Variants in NRP1 observed in about 807,000 individuals in gnomAD.
NRP1 encodes neuropilin 1.
In NRP1, 35 loss-of-function variants were observed where a neutral mutation model predicts 106.7. That is an observed-to-expected ratio of 0.33 (90% CI 0.25 to 0.43). NRP1 has a LOEUF of 0.43. NRP1 is among the 20% of genes least tolerant of loss of function. The pLI is 1.00. For missense variants in NRP1, 1,024 were observed against 1,170.4 expected (o/e 0.87, Z 1.83); for synonymous variants, 437 against 417.9 (o/e 1.05, Z -0.56).
At chr10:33,275,258 C>G (rs1350389597) in intron 2 of NRP1, among the ~76,000 whole-genome samples, 2 of 152,158 alleles carry the variant, frequency 1.3e-5, no homozygotes. Context: ...AAAATAATGT[C>G]AAATACCATG....
chr10:33,197,746 A>G, intron 11 of NRP1, 37 bp from the exon 12 acceptor site: 6 of 1,289,208 alleles, frequency 4.7e-6, no homozygotes, highest in Non-Finnish European at 6.7e-6. Flanking sequence ...AAAATAAGAA[A>G]ACAGTAGCGA....
At chr10:33,258,965 T>C (rs1229695431) in intron 4 of NRP1, among the ~76,000 whole-genome samples, 2 of 152,216 alleles carry the variant, frequency 1.3e-5, no homozygotes, top group African/African-American at 2.4e-5. Flanking sequence ...ATGTTTTTTC[T>C]TTAGTTTGTG....
intron 2 of NRP1, among the ~76,000 whole-genome samples, chr10:33,310,029 C>G (rs1248515906): frequency 6.6e-6 from 1 of 151,534 alleles, no homozygotes; most frequent in Non-Finnish European, 1.5e-5. Flanking sequence ...CTCACTGCAA[C>G]CTCCGCCTCC....
intron 6 of NRP1, among the ~76,000 whole-genome samples, chr10:33,232,570 T>A (rs191513402): frequency 2.1e-3 from 316 of 152,080 alleles, no homozygotes; most frequent in African/African-American, 7.5e-3. Context: ...ATCGATGGCA[T>A]GTAGGCTATT....
intron 2 of NRP1, among the ~76,000 whole-genome samples, chr10:33,311,109 A>G (rs1846578800): frequency 6.6e-6 from 1 of 152,222 alleles, no homozygotes; most frequent in African/African-American, 2.4e-5. Flanking sequence ...AGTTAGAGCT[A>G]GCAGAGGGTG....
At chr10:33,246,085 A>G (rs554220242) in intron 6 of NRP1, among the ~76,000 whole-genome samples, 1 of 151,802 alleles carries the variant, frequency 6.6e-6, no homozygotes, top group East Asian at 1.9e-4. Context: ...TGAATTAATT[A>G]GTCAACTTGA....
chr10:33,202,602 G>T (rs78592546), intron 11 of NRP1: 1 of 1,481,936 alleles, frequency 6.7e-7, no homozygotes, highest in African/African-American at 1.4e-5. Context: ...AATAAGGATC[G>T]GTTTAGTACA....
At chr10:33,273,674 T>G (rs1306006488) in intron 2 of NRP1, among the ~76,000 whole-genome samples, 2 of 152,220 alleles carry the variant, frequency 1.3e-5, no homozygotes, top group Non-Finnish European at 2.9e-5. Flanking sequence ...GGCACCTGTT[T>G]GGCTCTCATT....
intron 6 of NRP1, chr10:33,249,463 T>G (rs1162723716): frequency 1.9e-6 from 1 of 528,508 alleles, no homozygotes; most frequent in Non-Finnish European, 3.9e-6. Flanking sequence ...TCAGTTTCAA[T>G]GAGCTTAATG....
At chr10:33,185,442 C>T (rs906570886) in intron 15 of NRP1, among the ~76,000 whole-genome samples, 186 bp downstream of exon 15, 8 of 152,148 alleles carry the variant, frequency 5.3e-5, no homozygotes, top group South Asian at 2.1e-4. Context: ...GGGTAGGTGA[C>T]GGGGCAGACA....
At chr10:33,266,872 A>G (rs1842955801) in intron 3 of NRP1, among the ~76,000 whole-genome samples, 1 of 152,192 alleles carries the variant, frequency 6.6e-6, no homozygotes, top group South Asian at 2.1e-4. Context: ...CTCTACTAAA[A>G]ATACAAAAAA....
At chr10:33,184,578 T>A (rs558894880) in intron 15 of NRP1, among the ~76,000 whole-genome samples, 8 of 152,084 alleles carry the variant, frequency 5.3e-5, no homozygotes, top group Non-Finnish European at 1.0e-4. Context: ...TAGATATGGA[T>A]GTGGGTAATT....
intron 5 of NRP1, among the ~76,000 whole-genome samples, chr10:33,254,763 A>C (rs537151413): frequency 6.6e-6 from 1 of 152,308 alleles, no homozygotes; most frequent in East Asian, 1.9e-4. Flanking sequence ...TAATTAGTTT[A>C]TCAAAACACA....
chr10:33,222,642 T>C (rs1474312439), intron 7 of NRP1, among the ~76,000 whole-genome samples: 1 of 152,038 alleles, frequency 6.6e-6, no homozygotes, highest in East Asian at 1.9e-4. Flanking sequence ...TGCCTCAGCC[T>C]CCTGAGTAGC....
intron 2 of NRP1, among the ~76,000 whole-genome samples, chr10:33,290,136 G>A (rs1417386507): frequency 2.0e-5 from 3 of 152,184 alleles, no homozygotes; most frequent in African/African-American, 2.4e-5. Flanking sequence ...TTTGCAACCT[G>A]AGGATGTATA....
intron 2 of NRP1, among the ~76,000 whole-genome samples, chr10:33,272,646 C>T (rs17296443): frequency 0.12 from 18,894 of 152,186 alleles, 1,298 homozygotes; most frequent in Non-Finnish European, 0.15. Context: ...ATTAAAGCCC[C>T]ACAAGCTAGC....
intron 15 of NRP1, among the ~76,000 whole-genome samples, chr10:33,183,043 A>G (rs1232910240): frequency 6.6e-6 from 1 of 152,166 alleles, no homozygotes; most frequent in Non-Finnish European, 1.5e-5. Context: ...TTAGGAGACA[A>G]GGGTGGGCTG....
chr10:33,220,624 G>A (rs540684235), intron 8 of NRP1, among the ~76,000 whole-genome samples: 65 of 152,194 alleles, frequency 4.3e-4, no homozygotes, highest in Non-Finnish European at 7.9e-4. Context: ...GGCTGGGCGC[G>A]GTGGCTCACG....
At chr10:33,293,625 T>C (rs1025682483) in intron 2 of NRP1, among the ~76,000 whole-genome samples, 1 of 152,150 alleles carries the variant, frequency 6.6e-6, no homozygotes, top group Non-Finnish European at 1.5e-5. Flanking sequence ...GATTCTCTGC[T>C]TTTTCTATTA....
Sources: gnomAD v4.1 joint callset for allele counts (sites outside exome capture counted in the v4.1 genomes callset) on GRCh38, gnomAD v4.1.1 for gene constraint, MANE v1.5 for transcripts, NCBI Gene and HGNC (gene_info 2026-07-23, HGNC 2026-07-21) for gene names.